CNNM1: variants seen among roughly 807,000 people sequenced by gnomAD.
CNNM1 encodes cyclin and CBS domain divalent metal cation transport mediator 1.
Under a neutral mutation model 78.8 loss-of-function variants are expected in CNNM1, and 44 were observed. The observed-to-expected ratio is 0.56, with a 90% confidence interval of 0.44 to 0.72. The LOEUF (loss-of-function observed/expected upper bound fraction) is 0.72. Ranked by LOEUF, CNNM1 falls within the 30% of genes least tolerant of loss-of-function variation. The pLI is 0.00. For synonymous variants in CNNM1, 584 were observed against 581.5 expected (o/e 1.00, Z -0.06); for missense variants, 1,101 against 1,292.2 (o/e 0.85, Z 2.27).
At chr10:99,384,817 G>C (rs1300703708) in intron 7 of CNNM1, among the ~76,000 whole-genome samples, 1 of 152,138 alleles carries the variant, frequency 6.6e-6, no homozygotes, top group African/African-American at 2.4e-5. Flanking sequence ...TGTAATCCCA[G>C]CACTTTGGGA....
chr10:99,348,739 AAACAGG>A (rs919638648), intron 1 of CNNM1, among the ~76,000 whole-genome samples: 2 of 152,170 alleles, frequency 1.3e-5, no homozygotes, highest in African/African-American at 2.4e-5. Flanking sequence ...AAAATATCTA[AAACAGG>A]AAGGGTGTTC....
chr10:99,390,200 G>T, intron 9 of CNNM1, 106 bp from the exon 10 acceptor site: 1 of 795,046 alleles, frequency 1.3e-6, no homozygotes, highest in Non-Finnish European at 2.1e-6. Flanking sequence ...CTTGGCTCAC[G>T]TCTTAAACTT....
chr10:99,336,769 C>A (rs1169974118), intron 1 of CNNM1, among the ~76,000 whole-genome samples: 1 of 152,124 alleles, frequency 6.6e-6, no homozygotes, highest in African/African-American at 2.4e-5. Context: ...GAGTTAGAGA[C>A]CAGCCTGGCC....
intron 6 of CNNM1, chr10:99,368,611 T>A (rs766117779): frequency 7.8e-7 from 1 of 1,289,708 alleles, no homozygotes; most frequent in African/African-American, 1.5e-5. Context: ...GGCCCCTGAC[T>A]CTTTAGTGCC....
rs2032513604 is a variant in CNNM1 at position 99,392,902 on chromosome 10, G to C, written c.*1386G>C. 6.6e-6 allele frequency: 1 copy of C among 151,592 alleles called. No homozygotes were observed. Among genetic ancestry groups the C allele is most frequent in the Non-Finnish European group, 1.5e-5 (1 of 68,366 alleles). 9.4% of individuals were successfully genotyped at this position (151,592 alleles called of 1,614,324 possible). On this transcript the variant is annotated 3_prime_UTR_variant, in exon 11 of 11. Coordinates refer to ENST00000356713, the MANE Select transcript of CNNM1 (RefSeq NM_020348.3). The stretch of plus-strand genomic sequence containing the variant: ...GAACCTGGGAGGCAGAGGTTGCAGT[G>C]AGCTGAGATCACACCACTGCACTTC...
chr10:99,345,560 A>G (rs536231954), intron 1 of CNNM1, among the ~76,000 whole-genome samples: 1 of 152,300 alleles, frequency 6.6e-6, no homozygotes, highest in South Asian at 2.1e-4. Context: ...TGACCTGAGA[A>G]TGACACCATC....
In CNNM1 at chr10:99,362,294, C is replaced by T. The variant is rs142279958; in HGVS notation, c.1926C>T (p.Asn642=). 38 of 1,613,970 alleles carry T rather than the reference C, an allele frequency of 2.4e-5. No individual in the cohort carries two copies. In the African/African-American group the frequency reaches 3.2e-4, roughly 14 times the overall value. ...TGCTCCGGCTCCTGAAACATCCCAACGTGATCCAGGAGCTGAAGTTTGATG... is the reference window on the plus strand; with the variant it reads ...TGCTCCGGCTCCTGAAACATCCCAATGTGATCCAGGAGCTGAAGTTTGATG... ...KILLRLLKHP[N]VIQELKFDEK... The change falls in exon 4 of 11, where the codon AAC becomes AAT. Residue 642 remains asparagine, a synonymous_variant. Transcript: ENST00000356713.
chr10:99,361,542 A>G (rs907030585), intron 3 of CNNM1, among the ~76,000 whole-genome samples: 5 of 152,210 alleles, frequency 3.3e-5, no homozygotes, highest in Admixed American at 2.0e-4. Flanking sequence ...AATCCAACAT[A>G]TATTTATTGA....
chr10:99,343,117 C>T (rs1276115511), intron 1 of CNNM1, among the ~76,000 whole-genome samples: 2 of 152,074 alleles, frequency 1.3e-5, no homozygotes, highest in Non-Finnish European at 2.9e-5. Context: ...CGCCTGCCAC[C>T]ACTCCCAGCT....
chr10:99,377,400 C>T (rs1015401546), intron 7 of CNNM1, 182 bp downstream of exon 7: 12 of 523,726 alleles, frequency 2.3e-5, no homozygotes, highest in African/African-American at 3.8e-5. Flanking sequence ...AGCTTTAGGA[C>T]GGTTCATTAT....
intron 1 of CNNM1, among the ~76,000 whole-genome samples, chr10:99,350,320 A>G (rs1175236386): frequency 1.3e-5 from 2 of 152,168 alleles, no homozygotes; most frequent in East Asian, 1.9e-4. Context: ...AAACCATAAA[A>G]CGATTTTGCT....
chr10:99,385,538 G>A (rs2032281824), intron 7 of CNNM1, among the ~76,000 whole-genome samples: 1 of 152,180 alleles, frequency 6.6e-6, no homozygotes, highest in Admixed American at 6.5e-5. Context: ...TGGTAAGCTT[G>A]ACAGCTGTCT....
At chr10:99,357,434 CT>C in intron 1 of CNNM1, 77 bp from the exon 2 acceptor site, 1 of 1,472,644 alleles carries the variant, frequency 6.8e-7, no homozygotes, top group South Asian at 1.4e-5. Context: ...CAGACAGCAA[CT>C]TTGTATCATT....
At chr10:99,390,533 T>C (rs2032443713) in intron 10 of CNNM1, 126 bp downstream of exon 10, 1 of 699,654 alleles carries the variant, frequency 1.4e-6, no homozygotes, top group Non-Finnish European at 2.5e-6. Context: ...TGAGGTACAA[T>C]TGTGGAAATC....
intron 6 of CNNM1, 25 bp downstream of exon 6, chr10:99,365,027 T>TC (rs757745495): frequency 6.2e-7 from 1 of 1,613,416 alleles, no homozygotes; most frequent in African/African-American, 1.3e-5. Flanking sequence ...AACCCCTTCC[T>TC]CGTCCTCCCC....
rs776651105 is a variant in CNNM1 at position 99,387,938 on chromosome 10, G to T, written c.2459G>T (p.Gly820Val). Reference sequence around the variant, plus strand: ...TCCACTAAGGCCCCCACAACCCGGGGCACACCCCAGACCCCTAAGGATGAC... The same window carrying T: ...TCCACTAAGGCCCCCACAACCCGGGTCACACCCCAGACCCCTAAGGATGAC... ...GDSTKAPTTR[G>V]TPQTPKDDPA... Residue 820 changes from glycine to valine, a missense_variant, in exon 8 of 11, where the codon GGC becomes GTC. Around this residue, in one of 3 missense-constraint regions of CNNM1, gnomAD observed 348 missense variants for 384.5 expected, o/e 0.90. Coordinates refer to ENST00000356713, the MANE Select transcript of CNNM1 (RefSeq NM_020348.3). 1.2e-6 allele frequency: 2 copies of T among 1,612,448 alleles called. No homozygotes were observed. Among genetic ancestry groups the T allele is most frequent in the Non-Finnish European group, 1.7e-6 (2 of 1,179,186 alleles).
At chr10:99,363,903 C>T (rs2031521488) in intron 4 of CNNM1, among the ~76,000 whole-genome samples, 1 of 152,074 alleles carries the variant, frequency 6.6e-6, no homozygotes, top group Non-Finnish European at 1.5e-5. Flanking sequence ...CACCACCACA[C>T]CCAGCTAATT....
chr10:99,389,316 CT>C (rs2032400301), intron 9 of CNNM1, among the ~76,000 whole-genome samples: 1 of 148,666 alleles, frequency 6.7e-6, no homozygotes, highest in African/African-American at 2.5e-5. Context: ...ACTCGGAAGG[CT>C]GAGGCAGGAG....
At position 99,335,089 on chromosome 10, in the gene CNNM1, C is replaced by G. The variant is rs1589882871; in HGVS notation, c.1573+4129C>G. On this transcript the variant is annotated intron_variant, in intron 1 of 10. Transcript: ENST00000356713. ...TGCCACCCACAGGGTTCAAAGGTAGCCTTTTCACCTCTGATTGCTGCCCAT... is the reference window on the plus strand; with the variant it reads ...TGCCACCCACAGGGTTCAAAGGTAGGCTTTTCACCTCTGATTGCTGCCCAT... Among the ~76,000 whole-genome samples, 5 of 152,214 alleles carry G rather than the reference C, an allele frequency of 3.3e-5. No individual in the cohort carries two copies. In the East Asian group the frequency reaches 7.7e-4, roughly 23 times the overall value.
Sources: allele counts gnomAD v4.1 joint callset (sites outside exome capture counted in the v4.1 genomes callset), GRCh38; gene constraint gnomAD v4.1.1; regional missense constraint gnomAD v4.1.1; transcripts MANE v1.5; gene names NCBI Gene and HGNC (gene_info 2026-07-23, HGNC 2026-07-21).